GPALPP1: variants seen among roughly 807,000 people sequenced by gnomAD.
The protein encoded by GPALPP1 is GPALPP motifs-containing protein 1.
In GPALPP1, 30 loss-of-function variants were observed where a neutral mutation model predicts 38.9. The ratio of observed to expected loss-of-function variants is 0.77; its 90% CI spans 0.58 to 1.05. The LOEUF is 1.05. Among genes scored for constraint, GPALPP1 ranks in the 50% least tolerant of loss-of-function variants. GPALPP1 has a pLI of 0.00. For synonymous variants in GPALPP1, 120 were observed against 139.2 expected, an observed-to-expected ratio of 0.86 and a Z score of 0.97; for missense variants, 384 against 408.8, an observed-to-expected ratio of 0.94 and a Z score of 0.52.
rs1016101820 is a variant in GPALPP1 at position 44,989,580 on chromosome 13, A to T, written c.-75A>T. 2.7e-6 allele frequency: 4 copies of T among 1,498,754 alleles called. No individual in the cohort carries two copies. Among genetic ancestry groups the T allele is most frequent in the Non-Finnish European group, 2.8e-6 (3 of 1,081,210 alleles). 92.8% of individuals were successfully genotyped at this position (1,498,754 alleles called of 1,614,324 possible). ...GGAAACCTGCCATTCTTCGCTGCTGATCGCGGGATTCTTTTTGGATAGGGT... is the reference window on the plus strand; with the variant it reads ...GGAAACCTGCCATTCTTCGCTGCTGTTCGCGGGATTCTTTTTGGATAGGGT... On this transcript the variant is annotated 5_prime_UTR_variant, in exon 1 of 8. Coordinates refer to ENST00000379151, the MANE Select transcript of GPALPP1 (RefSeq NM_018559.5).
At position 44,989,669 on chromosome 13, in the gene GPALPP1, G is replaced by A. The variant is rs201710720; in HGVS notation, c.15G>A (p.Leu5=). 35 of 1,612,710 alleles carry A rather than the reference G, an allele frequency of 2.2e-5. No homozygotes were observed. The highest frequency in any genetic ancestry group is 2.9e-5 in the Non-Finnish European group (34 of 1,179,826). MARD[L]IGPALPPGFK... is the part of the protein sequence containing the mutation. ...CGCCACCGCGGATGGCAAGAGACCT[G>A]ATCGGACCGGCCCTGCCGCCCGGCT... Residue 5 remains leucine (L), a synonymous_variant, in exon 1 of 8, where the codon CTG becomes CTA. Transcript: ENST00000379151.
At chr13:45,021,975 A>G (rs1215370173) in intron 7 of GPALPP1, among the ~76,000 whole-genome samples, 1 of 152,238 alleles carries the variant, frequency 6.6e-6, no homozygotes, top group African/African-American at 2.4e-5. Context: ...TGAACATGTT[A>G]TTCTTAATAG....
chr13:45,003,540 C>T (rs1331914904), intron 1 of GPALPP1, among the ~76,000 whole-genome samples: 1 of 152,142 alleles, frequency 6.6e-6, no homozygotes, highest in Non-Finnish European at 1.5e-5. Context: ...ACCTTGGGAA[C>T]TATGATAGTA....
chr13:45,018,994 T>C (rs1481288014), intron 6 of GPALPP1, among the ~76,000 whole-genome samples: 12 of 5,840 alleles, frequency 2.1e-3, no homozygotes, highest in East Asian at 0.045. Context: ...TACATATAAA[T>C]ATATATACAT....
At chr13:45,032,889 T>A (rs900529403), downstream of GPALPP1, among the ~76,000 whole-genome samples, 2 of 151,418 alleles carry the variant, frequency 1.3e-5, no homozygotes, top group East Asian at 4.0e-4. Flanking sequence ...TACAAAAAAT[T>A]AGCTGGGCAT....
intron 7 of GPALPP1, among the ~76,000 whole-genome samples, chr13:45,020,711 T>A (rs1160543766): frequency 6.6e-6 from 1 of 152,090 alleles, no homozygotes; most frequent in Non-Finnish European, 1.5e-5. Context: ...GTTATCTGTT[T>A]ATTTTTTTCT....
chr13:45,037,631 G>T (rs188880010), exon 8 of GPALPP1: 12 of 152,284 alleles, frequency 7.9e-5, no homozygotes, highest in African/African-American at 2.6e-4. Flanking sequence ...TAAAATGCTT[G>T]CAGTCAAATG....
intron 7 of GPALPP1, among the ~76,000 whole-genome samples, chr13:45,026,902 C>A (rs971766183): frequency 6.6e-6 from 1 of 152,132 alleles, no homozygotes; most frequent in Non-Finnish European, 1.5e-5. Flanking sequence ...TATTCTATAG[C>A]CTCCTTTGTT....
At chr13:44,995,353 A>C (rs1240223262) in intron 1 of GPALPP1, among the ~76,000 whole-genome samples, 4 of 151,292 alleles carry the variant, frequency 2.6e-5, no homozygotes, top group African/African-American at 9.7e-5. Flanking sequence ...CTTTTTTTTT[A>C]ATACTCTATT....
At chr13:45,024,267 T>C (rs1875661537) in intron 7 of GPALPP1, among the ~76,000 whole-genome samples, 1 of 119,668 alleles carries the variant, frequency 8.4e-6, no homozygotes, top group African/African-American at 3.6e-5. Context: ...AAACTCTGTG[T>C]GTGTGTGTGT....
chr13:45,001,696 T>C (rs9595229), intron 1 of GPALPP1: 7,961 of 152,268 alleles, frequency 0.052, 281 homozygotes, highest in South Asian at 0.074. Context: ...TTCTTTCTTT[T>C]TTTTAGATGG....
intron 1 of GPALPP1, among the ~76,000 whole-genome samples, chr13:45,000,166 C>T (rs1008874913): frequency 6.6e-6 from 1 of 152,068 alleles, no homozygotes; most frequent in African/African-American, 2.4e-5. Context: ...CCTGTAATCC[C>T]AGTGCTTTGG....
At chr13:45,014,127 C>T (rs571822539) in intron 4 of GPALPP1, among the ~76,000 whole-genome samples, 15 of 152,154 alleles carry the variant, frequency 9.9e-5, no homozygotes, top group Non-Finnish European at 2.2e-4. Flanking sequence ...GGAAGTGAGA[C>T]GATCATTAGC....
chr13:45,002,688 T>C (rs1473030132), intron 1 of GPALPP1, among the ~76,000 whole-genome samples: 1 of 152,222 alleles, frequency 6.6e-6, no homozygotes, highest in African/African-American at 2.4e-5. Flanking sequence ...AGCTAGTAAG[T>C]GGCCAACCTG....
At chr13:45,025,147 A>C (rs543353545) in intron 7 of GPALPP1, among the ~76,000 whole-genome samples, 1 of 152,056 alleles carries the variant, frequency 6.6e-6, no homozygotes. Flanking sequence ...AAATAGAAAC[A>C]AAAAAAATTA....
chr13:45,019,536 T>G (rs1875233410), intron 6 of GPALPP1, among the ~76,000 whole-genome samples: 1 of 152,210 alleles, frequency 6.6e-6, no homozygotes, highest in South Asian at 2.1e-4. Flanking sequence ...TAGTAAATTC[T>G]TTGGAGTTTG....
rs780176079 is a variant in GPALPP1, at chr13:45,028,014, T to G, written c.*11T>G. ...AATATGTTTTTATAAGTAAGTATAT[T>G]TCAGTGAGGTATATTTTAATACTGA... On this transcript the variant is annotated 3_prime_UTR_variant, in exon 8 of 8. Coordinates refer to ENST00000379151, the MANE Select transcript of GPALPP1 (RefSeq NM_018559.5). The G allele has an allele frequency of 1.5e-6, 2 of 1,356,654 alleles. No individual in the cohort carries two copies. The highest frequency in any genetic ancestry group is 2.4e-5 in the South Asian group (2 of 84,834). The allele number at this position is 1,356,654 out of a possible 1,614,324, so 84.0% of individuals were successfully genotyped here.
At chr13:45,000,307 G>A (rs927721167) in intron 1 of GPALPP1, among the ~76,000 whole-genome samples, 6 of 152,170 alleles carry the variant, frequency 3.9e-5, no homozygotes, top group Admixed American at 6.5e-5. Flanking sequence ...GCAAACACCT[G>A]TAGTCCTAGC....
At chr13:44,999,129 G>A (rs966349622) in intron 1 of GPALPP1, among the ~76,000 whole-genome samples, 4 of 152,196 alleles carry the variant, frequency 2.6e-5, no homozygotes, top group African/African-American at 9.7e-5. Context: ...CTAATGAGAA[G>A]AACAGAATTG....
Sources: gnomAD v4.1 joint callset for allele counts (sites outside exome capture counted in the v4.1 genomes callset) on GRCh38, gnomAD v4.1.1 for gene constraint, MANE v1.5 for transcripts, NCBI Gene and HGNC (gene_info 2026-07-23, HGNC 2026-07-21) for gene names.